The following TRPC5 variants were observed in gnomAD, a reference collection of about 807,000 sequenced individuals.
TRPC5 encodes short transient receptor potential channel 5.
A neutral mutation model predicts 56.5 loss-of-function variants in TRPC5; 9 were observed. The observed-to-expected ratio is 0.16, with a 90% CI of 0.10 to 0.28. The LOEUF is 0.28. TRPC5 is among the 10% of genes least tolerant of loss of function. The probability of loss-of-function intolerance (pLI) is 1.00; values close to 1 mark genes in which losing one functional copy is unlikely to be tolerated. For missense variants in TRPC5, 469 were observed against 748.9 expected, an observed-to-expected ratio of 0.63 and a Z score of 4.36; for synonymous variants, 282 against 278.5, an observed-to-expected ratio of 1.01 and a Z score of -0.13.
rs201063739 is a variant in TRPC5 at position 112,080,395 on chromosome X, TACACACACACACACACAC to T, written c.-22+1466_-22+1483del. On this transcript the variant is annotated intron_variant, in intron 1 of 10. Coordinates refer to ENST00000262839, the MANE Select transcript of TRPC5 (RefSeq NM_012471.3). ...TGATTGAGGTCCTTGAAAAACTACA[TACACACACACACACACAC>T]ACACACACACACACACACACACACA... Among the ~76,000 whole-genome samples, 15 of 79,176 alleles carry T rather than the reference TACACACACACACACACAC, an allele frequency of 1.9e-4. No homozygotes were observed. The South Asian group carries it at 5.6e-3, about 29-fold the overall frequency. The allele number at this position is 79,176 out of a possible 115,157, so 68.8% of individuals were successfully genotyped here. A position where few individuals can be genotyped will look rare whatever the true frequency, so the allele number is the denominator to read the frequency against.
At chrX:112,041,759 T>A (rs921718983) in intron 1 of TRPC5, among the ~76,000 whole-genome samples, 8 of 111,964 alleles carry the variant, frequency 7.1e-5, no homozygotes, top group African/African-American at 2.6e-4. Context: ...TTGCTGAAGT[T>A]TTGTTTGCCG....
intron 2 of TRPC5, among the ~76,000 whole-genome samples, chrX:111,915,832 G>A (rs1216774122): frequency 2.7e-5 from 3 of 111,329 alleles, no homozygotes; most frequent in Non-Finnish European, 5.7e-5. Context: ...TGGGCCAGGC[G>A]TGGTGGCTCA....
intron 1 of TRPC5, among the ~76,000 whole-genome samples, chrX:111,996,517 G>A (rs1369474588): frequency 4.5e-5 from 5 of 111,867 alleles, no homozygotes; most frequent in Middle Eastern, 4.3e-3. Flanking sequence ...TTGCAGAGCT[G>A]AGTTCAGGCC....
intron 1 of TRPC5, 59 bp from the exon 2 acceptor site, chrX:111,952,500 G>A: frequency 9.2e-7 from 1 of 1,089,375 alleles, no homozygotes; most frequent in Non-Finnish European, 1.2e-6. Flanking sequence ...GTCTCAAGTG[G>A]CCAGTTATGG....
chrX:112,006,569 G>A (rs1488050454), intron 1 of TRPC5, among the ~76,000 whole-genome samples: 1 of 111,084 alleles, frequency 9.0e-6, no homozygotes, highest in Non-Finnish European at 1.9e-5. Flanking sequence ...AACTGGGTCT[G>A]ACTCCACAGT....
At chrX:112,050,045 G>A (rs1412593578) in intron 1 of TRPC5, among the ~76,000 whole-genome samples, 4 of 111,750 alleles carry the variant, frequency 3.6e-5, no homozygotes, top group Non-Finnish European at 7.5e-5. Context: ...GCGTGGTGGT[G>A]CGTGCCTGTA....
chrX:111,991,048 A>T (rs1055745281), intron 1 of TRPC5, among the ~76,000 whole-genome samples: 1 of 111,200 alleles, frequency 9.0e-6, no homozygotes, highest in East Asian at 2.9e-4. Flanking sequence ...TTGATCAGAA[A>T]CTACTCTTTT....
chrX:111,952,684 C>A (rs985309696), intron 1 of TRPC5, among the ~76,000 whole-genome samples: 1 of 111,007 alleles, frequency 9.0e-6, no homozygotes, highest in African/African-American at 3.3e-5. Context: ...GTTACTCAAG[C>A]CCTCTGTGCT....
chrX:111,909,311 CAGAG>C (rs1327586386), intron 3 of TRPC5, among the ~76,000 whole-genome samples: 2 of 107,525 alleles, frequency 1.9e-5, no homozygotes, highest in Non-Finnish European at 3.8e-5. Flanking sequence ...GCCTGGGTGA[CAGAG>C]AGAGCCTCCG....
At chrX:111,993,605 G>T (rs1256779135) in intron 1 of TRPC5, among the ~76,000 whole-genome samples, 1 of 112,398 alleles carries the variant, frequency 8.9e-6, no homozygotes, top group Non-Finnish European at 1.9e-5. Context: ...TAACTGGTGT[G>T]AGATTGTATC....
At chrX:111,800,349 TAAG>T (rs915811411) in intron 7 of TRPC5, among the ~76,000 whole-genome samples, 3 of 112,094 alleles carry the variant, frequency 2.7e-5, no homozygotes, top group African/African-American at 9.7e-5. Flanking sequence ...TACTTCATCA[TAAG>T]AATACAGTAT....
At chrX:111,999,027 C>T (rs965852916) in intron 1 of TRPC5, among the ~76,000 whole-genome samples, 7 of 111,463 alleles carry the variant, frequency 6.3e-5, no homozygotes, top group African/African-American at 2.3e-4. Flanking sequence ...CTGCACCTAT[C>T]AACCCACCAT....
chrX:111,995,075 C>T (rs1237735513), intron 1 of TRPC5, among the ~76,000 whole-genome samples: 1 of 111,861 alleles, frequency 8.9e-6, no homozygotes, highest in African/African-American at 3.2e-5. Flanking sequence ...AGTTTCTGCC[C>T]ATTCTGTATG....
rs1345505352 is a variant in TRPC5 at position 111,772,263 on chromosome X, AT to A, written c.*4049del. Among the ~76,000 whole-genome samples the A allele has an allele frequency of 7.2e-5, 8 of 111,883 alleles. No homozygotes were observed. The highest frequency in any genetic ancestry group is 1.5e-4 in the Non-Finnish European group (8 of 53,199). On this transcript the variant is annotated 3_prime_UTR_variant, in exon 11 of 11. Coordinates refer to ENST00000262839, the MANE Select transcript of TRPC5 (RefSeq NM_012471.3). Reference sequence around the variant, plus strand: ...GTAAGCCAAAGAAACAATCTAAAATATCCTTAGTTTTGAGGCAAAGCTGCAG... The same window carrying A: ...GTAAGCCAAAGAAACAATCTAAAATACCTTAGTTTTGAGGCAAAGCTGCAG...
intron 1 of TRPC5, among the ~76,000 whole-genome samples, chrX:112,057,797 G>A (rs980367869): frequency 8.9e-6 from 1 of 112,007 alleles, no homozygotes; most frequent in African/African-American, 3.2e-5. Flanking sequence ...GTGGATAAAT[G>A]AATCCTTAAA....
Position 111,769,198 on chromosome X carries a change from A to G in TRPC5, c.*7115T>C, listed in dbSNP as rs1452205934. 9.0e-6 allele frequency among the ~76,000 whole-genome samples: 1 copy of G among 111,521 alleles called. No homozygotes were observed. The highest frequency in any genetic ancestry group is 1.9e-5 in the Non-Finnish European group (1 of 53,008). On this transcript the variant is annotated 3_prime_UTR_variant, in exon 11 of 11. Coordinates refer to ENST00000262839, the MANE Select transcript of TRPC5 (RefSeq NM_012471.3). ...TTTCTTTACTGTCCCTCTCCCTGAT[A>G]ACAGCCTAGTCACCAGAGCCTCTGT...
chrX:112,078,913 G>T (rs1930899357), intron 1 of TRPC5, among the ~76,000 whole-genome samples: 1 of 111,450 alleles, frequency 9.0e-6, no homozygotes, highest in Admixed American at 9.5e-5. Flanking sequence ...ATGACACTGT[G>T]GATATGTCAG....
chrX:112,056,704 G>A (rs112399418), intron 1 of TRPC5, among the ~76,000 whole-genome samples: 10 of 112,250 alleles, frequency 8.9e-5, no homozygotes, highest in African/African-American at 3.2e-4. Context: ...ATTTTCCTAA[G>A]AGGGTTGAAG....
intron 1 of TRPC5, among the ~76,000 whole-genome samples, chrX:112,061,305 C>G (rs181966337): frequency 7.1e-5 from 8 of 111,908 alleles, no homozygotes; most frequent in Non-Finnish European, 1.5e-4. Flanking sequence ...TCAGCCCTGT[C>G]AGATTCCCTG....
Sources: allele counts gnomAD v4.1 joint callset (sites outside exome capture counted in the v4.1 genomes callset), GRCh38; gene constraint gnomAD v4.1.1; transcripts MANE v1.5; gene names NCBI Gene and HGNC (gene_info 2026-07-23, HGNC 2026-07-21).